The following WDR27 variants were observed in gnomAD, a reference collection of about 807,000 sequenced individuals.
WDR27 encodes the protein WD repeat-containing protein 27.
In WDR27, 100 loss-of-function variants were observed where a neutral mutation model predicts 114.4. That is an observed-to-expected ratio of 0.87 (90% confidence interval 0.74 to 1.03). WDR27 has a LOEUF of 1.03. Among genes scored for constraint, WDR27 ranks in the 50% least tolerant of loss-of-function variants. WDR27 has a pLI of 0.00. For synonymous variants in WDR27, 449 were observed against 423.1 expected (o/e 1.06, Z -0.75); for missense variants, 1,129 against 1,092.9 (o/e 1.03, Z -0.47).
chr6:169,646,973 C>T (rs985593549), intron 16 of WDR27, among the ~76,000 whole-genome samples: 3 of 152,120 alleles, frequency 2.0e-5, no homozygotes, highest in Admixed American at 6.6e-5. Context: ...AACCCTTAGG[C>T]GACTCAACCC....
intron 14 of WDR27, 38 bp downstream of exon 14, chr6:169,651,892 G>C (rs1269773902): frequency 1.9e-6 from 3 of 1,578,984 alleles, no homozygotes; most frequent in Non-Finnish European, 2.6e-6. Flanking sequence ...CTGTGACGCA[G>C]GTGCATTTCT....
chr6:169,568,146 C>T (rs889373368), intron 25 of WDR27, among the ~76,000 whole-genome samples: 1 of 151,242 alleles, frequency 6.6e-6, no homozygotes, highest in Non-Finnish European at 1.5e-5. Flanking sequence ...AAGCCTGAGT[C>T]TGACAGCAAT....
At chr6:169,522,962 C>T (rs1036911408) in intron 25 of WDR27, among the ~76,000 whole-genome samples, 1 of 151,418 alleles carries the variant, frequency 6.6e-6, no homozygotes, top group Non-Finnish European at 1.5e-5. Flanking sequence ...TAATAAAGAT[C>T]AGAGGAAAAA....
intron 8 of WDR27, among the ~76,000 whole-genome samples, chr6:169,663,927 G>T (rs973528291): frequency 2.0e-5 from 3 of 152,232 alleles, no homozygotes; most frequent in Non-Finnish European, 2.9e-5. Flanking sequence ...TGGTGCCTCT[G>T]CTCTTCTGTT....
chr6:169,496,323 A>G (rs1219337129), intron 25 of WDR27, among the ~76,000 whole-genome samples: 1 of 152,146 alleles, frequency 6.6e-6, no homozygotes, highest in Admixed American at 6.5e-5. Flanking sequence ...CCATATATGA[A>G]AAACACAGAG....
chr6:169,434,656 G>C, the WDR27 span, among the ~76,000 whole-genome samples: 3,084 of 152,236 alleles, frequency 0.02, 64 homozygotes, highest in East Asian at 0.071. Flanking sequence ...GAAGTTGAGA[G>C]TCATGCCCTT....
At chr6:169,512,039 T>G (rs747140706) in intron 25 of WDR27, among the ~76,000 whole-genome samples, 2 of 152,180 alleles carry the variant, frequency 1.3e-5, no homozygotes, top group African/African-American at 2.4e-5. Context: ...ACAAAGGATT[T>G]TAGTTCAAAT....
intron 14 of WDR27, among the ~76,000 whole-genome samples, chr6:169,650,777 C>A (rs1822217239): frequency 6.6e-6 from 1 of 150,714 alleles, no homozygotes; most frequent in South Asian, 2.1e-4. Context: ...ACTTATTCAT[C>A]TCTCATCTCT....
In WDR27 at chr6:169,626,960, C is replaced by A. The variant is rs572797273; in HGVS notation, c.2223+5987G>T. The stretch of plus-strand genomic sequence containing the variant: ...GGACTCTAAAGAGTCCTCACTGTAA[C>A]AGATCAGCAGCTGCCCTTCTCCTGA... On this transcript the variant is annotated intron_variant, in intron 21 of 25. Transcript: ENST00000448612. 2.6e-5 allele frequency among the ~76,000 whole-genome samples: 4 copies of A among 152,336 alleles called. No individual in the cohort carries two copies. In the South Asian group the frequency reaches 8.3e-4, roughly 32 times the overall value.
intron 21 of WDR27, among the ~76,000 whole-genome samples, chr6:169,620,669 C>G (rs1299536002): frequency 1.3e-5 from 2 of 152,202 alleles, no homozygotes; most frequent in Non-Finnish European, 2.9e-5. Context: ...TGTATAAAAC[C>G]AAGCGGTGCC....
At chr6:169,509,796 A>C (rs1191889333) in intron 25 of WDR27, among the ~76,000 whole-genome samples, 1 of 152,212 alleles carries the variant, frequency 6.6e-6, no homozygotes, top group African/African-American at 2.4e-5. Flanking sequence ...TAATTAAACT[A>C]AAGAGCTTCT....
At chr6:169,615,446 T>C (rs1425741578) in intron 21 of WDR27, among the ~76,000 whole-genome samples, 1 of 152,092 alleles carries the variant, frequency 6.6e-6, no homozygotes, top group Non-Finnish European at 1.5e-5. Flanking sequence ...TCTCATCATG[T>C]AGCTCAAAAT....
At chr6:169,624,070 GTCAGGTGTGCCGTGTGCAGCATGTGGCA>G (rs1027959287) in intron 21 of WDR27, among the ~76,000 whole-genome samples, 4 of 152,038 alleles carry the variant, frequency 2.6e-5, no homozygotes, top group South Asian at 2.1e-4. Context: ...CGTGTGTGGG[GTCAGGTGTGCCGTGTGCAGCATGTGGCA>G]TCAGGTGTGC....
intron 23 of WDR27, 35 bp from the exon 24 acceptor site, chr6:169,582,969 C>G (rs952014144): frequency 6.3e-7 from 1 of 1,598,148 alleles, no homozygotes; most frequent in Non-Finnish European, 8.6e-7. Context: ...GCCATGTTAA[C>G]TCAGAGTCAG....
intron 14 of WDR27, among the ~76,000 whole-genome samples, chr6:169,651,354 G>A (rs1352962843): frequency 6.6e-6 from 1 of 152,032 alleles, no homozygotes. Context: ...AAGAGGTGAG[G>A]TAGGAGGCGG....
At position 169,481,065 on chromosome 6, in the gene WDR27, C is replaced by A. The variant is rs1181755518; in HGVS notation, c.2646-23431G>T. Among the ~76,000 whole-genome samples the A allele has an allele frequency of 5.4e-5, 8 of 149,466 alleles. No individual in the cohort carries two copies. The East Asian group carries it at 1.6e-3, about 30-fold the overall frequency. The stretch of plus-strand genomic sequence containing the variant: ...AATCAGCACTCTGTATCTAGCTAAT[C>A]TGGTAGTGACTTGGAGAACTTTTAT... On this transcript the variant is annotated intron_variant, in intron 25 of 25. Transcript: ENST00000448612.
chr6:169,636,994 C>T (rs1195499036), intron 18 of WDR27, among the ~76,000 whole-genome samples: 2 of 152,132 alleles, frequency 1.3e-5, no homozygotes, highest in African/African-American at 2.4e-5. Context: ...TTGTCTTTCT[C>T]GTATTCAATC....
At chr6:169,692,580 G>C (rs1178244455) in intron 1 of WDR27, among the ~76,000 whole-genome samples, 1 of 152,190 alleles carries the variant, frequency 6.6e-6, no homozygotes, top group Non-Finnish European at 1.5e-5. Context: ...TCTAAACCTG[G>C]TGCTGTTAGC....
chr6:169,606,154 A>G (rs1225106391), intron 22 of WDR27, among the ~76,000 whole-genome samples: 1 of 152,172 alleles, frequency 6.6e-6, no homozygotes, highest in African/African-American at 2.4e-5. Context: ...GAAATAATCA[A>G]CAGAGTGAAT....
Sources: allele counts gnomAD v4.1 joint callset (sites outside exome capture counted in the v4.1 genomes callset), GRCh38; gene constraint gnomAD v4.1.1; transcripts MANE v1.5; gene names NCBI Gene and HGNC (gene_info 2026-07-23, HGNC 2026-07-21).